RBL2: variants seen among roughly 807,000 people sequenced by gnomAD.
RBL2 encodes the protein retinoblastoma-like protein 2.
Under a neutral mutation model 126.0 loss-of-function variants are expected in RBL2, and 56 were observed. That is an observed-to-expected ratio of 0.44 (90% confidence interval 0.36 to 0.56). The LOEUF is 0.56. Ranked by LOEUF, RBL2 falls within the 20% of genes least tolerant of loss-of-function variation. The pLI is 0.00. For missense variants in RBL2, 1,229 were observed against 1,398.2 expected (o/e 0.88, Z 1.93); for synonymous variants, 454 against 478.5 (o/e 0.95, Z 0.67).
intron 3 of RBL2, among the ~76,000 whole-genome samples, chr16:53,444,173 G>A (rs1243833056): frequency 6.6e-6 from 1 of 151,536 alleles, no homozygotes; most frequent in South Asian, 2.1e-4. Context: ...CCCTTGAACC[G>A]AGAGGCAGAA....
chr16:53,460,054 A>G (rs1038964491), intron 9 of RBL2, among the ~76,000 whole-genome samples: 2 of 152,208 alleles, frequency 1.3e-5, no homozygotes, highest in Non-Finnish European at 2.9e-5. Context: ...AAGCAGGACA[A>G]AAACCACTGT....
chr16:53,483,949 A>G (rs1459680396), intron 21 of RBL2, among the ~76,000 whole-genome samples: 1 of 142,818 alleles, frequency 7.0e-6, no homozygotes, highest in East Asian at 1.9e-4. Context: ...AAAAAGGTGT[A>G]AAGGTGTCAC....
At chr16:53,475,218 C>T (rs957323304) in intron 17 of RBL2, among the ~76,000 whole-genome samples, 4 of 151,848 alleles carry the variant, frequency 2.6e-5, no homozygotes, top group African/African-American at 2.4e-5. Context: ...TTGTAGTTTT[C>T]GTTTTGTTTT....
At chr16:53,464,395 A>G in intron 12 of RBL2, 32 bp downstream of exon 12, 3 of 1,510,918 alleles carry the variant, frequency 2.0e-6, no homozygotes, top group Admixed American at 3.9e-5. Context: ...TAATGGGGAT[A>G]TTGTAGATGA....
intron 8 of RBL2, among the ~76,000 whole-genome samples, chr16:53,457,623 A>G (rs1017474332): frequency 6.6e-6 from 1 of 152,158 alleles, no homozygotes; most frequent in South Asian, 2.1e-4. Flanking sequence ...GAGAGAGAAT[A>G]CAAGAGGACT....
chr16:53,438,997 A>G lies in RBL2; in HGVS notation c.241-19A>G. Reference sequence around the variant, plus strand: ...TATGTAGCTTTTTAACTAAAAATCAATTTTCTTTTCTTTTACAGGGAAATG... The same window carrying G: ...TATGTAGCTTTTTAACTAAAAATCAGTTTTCTTTTCTTTTACAGGGAAATG... On this transcript the variant is annotated intron_variant, in intron 1 of 21. Transcript: ENST00000262133. 2.0e-6 allele frequency: 3 copies of G among 1,521,780 alleles called. No individual in the cohort carries two copies. The highest frequency in any genetic ancestry group is 1.4e-5 in the African/African-American group (1 of 71,044). The allele number at this position is 1,521,780 out of a possible 1,614,324, so 94.3% of individuals were successfully genotyped here. A position where few individuals can be genotyped will look rare whatever the true frequency, so the allele number is the denominator to read the frequency against.
At chr16:53,456,083 G>T (rs2058164617) in intron 8 of RBL2, among the ~76,000 whole-genome samples, 1 of 152,106 alleles carries the variant, frequency 6.6e-6, no homozygotes, top group Non-Finnish European at 1.5e-5. Flanking sequence ...GGCTGAGTTA[G>T]GAGGATTCGT....
chr16:53,470,296 G>T, intron 15 of RBL2, 87 bp from the exon 16 acceptor site: 5 of 1,564,412 alleles, frequency 3.2e-6, no homozygotes, highest in Non-Finnish European at 4.3e-6. Context: ...GGGGAGAGAG[G>T]GTTTGGGAGA....
Position 53,470,044 on chromosome 16 carries a change from C to T in RBL2, c.2104C>T (p.Pro702Ser), listed in dbSNP as rs184484473. The T allele has an allele frequency of 2.9e-5, 47 of 1,614,238 alleles. No individual in the cohort carries two copies. The Admixed American group carries it at 6.0e-4, about 21-fold the overall frequency. ...GGTPGRMPPQ[P>S]LVNAVPVQNV... is the part of the protein sequence containing the mutation. ...GACGCCTGGGCGCATGCCCCCACAG[C>T]CCCTAGTCAATGCTGTCCCTGTGCA... The change falls in exon 15 of 22, where the codon CCC becomes TCC. Residue 702 changes from proline to serine, a missense_variant. By Grantham distance (74) the Pro-to-Ser change is moderately conservative (BLOSUM62 -1). This residue lies in a region of RBL2 where 1,070 missense variants were observed against 1,274.3 expected (regional missense o/e 0.84). Coordinates refer to ENST00000262133, the MANE Select transcript of RBL2 (RefSeq NM_005611.4).
At chr16:53,456,131 G>A (rs935815460) in intron 8 of RBL2, among the ~76,000 whole-genome samples, 4 of 151,958 alleles carry the variant, frequency 2.6e-5, no homozygotes, top group Non-Finnish European at 2.9e-5. Context: ...AGCCGTGATC[G>A]CGTCACTGCC....
chr16:53,471,925 T>C (rs1232653111), intron 17 of RBL2, among the ~76,000 whole-genome samples: 1 of 152,226 alleles, frequency 6.6e-6, no homozygotes, highest in Non-Finnish European at 1.5e-5. Context: ...TTTCTCCCCA[T>C]TCTACCTCCC....
chr16:53,452,399 G>C (rs1054988536), intron 5 of RBL2, among the ~76,000 whole-genome samples: 1 of 152,132 alleles, frequency 6.6e-6, no homozygotes, highest in Non-Finnish European at 1.5e-5. Context: ...AGTATGTATA[G>C]AGTTAAAATA....
At chr16:53,450,544 ATAAT>A (rs775217951) in intron 4 of RBL2, among the ~76,000 whole-genome samples, 107 of 152,384 alleles carry the variant, frequency 7.0e-4, no homozygotes, top group Middle Eastern at 3.4e-3. Context: ...ATAACTAGAA[ATAAT>A]TCTTAATTTC....
rs772863741 is a variant in RBL2 at position 53,434,657 on chromosome 16, C to T, written c.101C>T (p.Ala34Val). 2.6e-6 allele frequency: 4 copies of T among 1,562,396 alleles called. No homozygotes were observed. Among genetic ancestry groups the T allele is most frequent in the Non-Finnish European group, 3.4e-6 (4 of 1,163,918 alleles). The stretch of plus-strand genomic sequence containing the variant: ...GAGGACGACGGCGAGGCGGAAGACG[C>T]CGCGCCGCCTGCCGAGTCGCCCACC... ...EEEDDGEAEDAAPPAESPTPQ... is the reference protein window; with the variant it reads ...EEEDDGEAEDVAPPAESPTPQ... Residue 34 changes from alanine (A) to valine (V), a missense_variant, in exon 1 of 22, where the codon GCC (alanine) becomes GTC (valine). By Grantham distance (64) the Ala-to-Val change is moderately conservative. Coordinates refer to ENST00000262133, the MANE Select transcript of RBL2 (RefSeq NM_005611.4).
chr16:53,472,752 T>C (rs1007378812), intron 17 of RBL2, among the ~76,000 whole-genome samples: 1 of 152,208 alleles, frequency 6.6e-6, no homozygotes, highest in Non-Finnish European at 1.5e-5. Flanking sequence ...TCCAGTTACC[T>C]GTTTTTTGGT....
intron 4 of RBL2, among the ~76,000 whole-genome samples, chr16:53,451,384 T>C (rs2058113454): frequency 1.3e-5 from 2 of 152,118 alleles, no homozygotes; most frequent in Non-Finnish European, 2.9e-5. Context: ...CGTGTACCTG[T>C]AATTTCAGCT....
At chr16:53,449,048 C>T (rs1278028265) in intron 4 of RBL2, 1 of 152,164 alleles carries the variant, frequency 6.6e-6, no homozygotes, top group Non-Finnish European at 1.5e-5. Context: ...TCATACATGA[C>T]ACTGGCATGT....
chr16:53,447,534 T>C (rs1401678826), intron 4 of RBL2, among the ~76,000 whole-genome samples: 1 of 152,168 alleles, frequency 6.6e-6, no homozygotes, highest in Non-Finnish European at 1.5e-5. Context: ...GTCAAATGCT[T>C]TTATATACTA....
chr16:53,459,503 A>G lies in RBL2; in HGVS notation c.1232A>G (p.Glu411Gly), dbSNP rs1244357926. The change falls in exon 9 of 22, where the codon GAG becomes GGG. Residue 411 changes from glutamate (E) to glycine (G), a missense_variant. Physicochemically the swap from Glu to Gly is moderately conservative, Grantham distance 98 (BLOSUM62 -2). This residue lies in a region of RBL2 where 1,070 missense variants were observed against 1,274.3 expected (regional missense o/e 0.84). Coordinates refer to ENST00000262133, the MANE Select transcript of RBL2 (RefSeq NM_005611.4). ...CTAACTGGTGTTAGGTACATTAAGG[A>G]GAATAGCCCTTGTGTGACTCCAGTT... ...TPLTGVRYIKENSPCVTPVST... is the reference protein window; with the variant it reads ...TPLTGVRYIKGNSPCVTPVST... The G allele has an allele frequency of 1.2e-6, 2 of 1,613,216 alleles. No homozygotes were observed. Among genetic ancestry groups the G allele is most frequent in the African/African-American group, 2.7e-5 (2 of 74,842 alleles).
Sources: allele counts gnomAD v4.1 joint callset (sites outside exome capture counted in the v4.1 genomes callset), GRCh38; gene constraint gnomAD v4.1.1; regional missense constraint gnomAD v4.1.1; transcripts MANE v1.5; gene names NCBI Gene and HGNC (gene_info 2026-07-23, HGNC 2026-07-21).